The following CFAP221 variants were observed in gnomAD, a reference collection of about 807,000 sequenced individuals.
CFAP221 encodes cilia- and flagella-associated protein 221.
Under a neutral mutation model 113.1 loss-of-function variants are expected in CFAP221, and 97 were observed. The observed-to-expected ratio is 0.86, with a 90% confidence interval of 0.73 to 1.02. CFAP221 has a LOEUF of 1.02. CFAP221 is among the 50% of genes least tolerant of loss of function. The pLI is 0.00. For synonymous variants in CFAP221, 331 were observed against 354.4 expected, an observed-to-expected ratio of 0.93 and a Z score of 0.74; for missense variants, 1,025 against 1,013.4, an observed-to-expected ratio of 1.01 and a Z score of -0.16.
chr2:119,563,017 G>A (rs757585607), intron 6 of CFAP221, among the ~76,000 whole-genome samples: 15 of 152,182 alleles, frequency 9.9e-5, no homozygotes, highest in Non-Finnish European at 1.9e-4. Context: ...AGCCAGGTAT[G>A]GTGATGTGTG....
intron 15 of CFAP221, among the ~76,000 whole-genome samples, chr2:119,627,040 T>C (rs1041661574): frequency 6.6e-6 from 1 of 152,012 alleles, no homozygotes; most frequent in Non-Finnish European, 1.5e-5. Context: ...TATCGCCATC[T>C]TCTCCCAATA....
chr2:119,597,366 C>T (rs1558945979), intron 7 of CFAP221, among the ~76,000 whole-genome samples: 1 of 152,168 alleles, frequency 6.6e-6, no homozygotes, highest in Non-Finnish European at 1.5e-5. Context: ...GGAGTGTTGC[C>T]ACTGTGAGTG....
chr2:119,625,627 T>C lies in CFAP221; in HGVS notation c.1455T>C (p.Arg485=), dbSNP rs758362110. The C allele has an allele frequency of 4.3e-6, 7 of 1,613,820 alleles. No homozygotes were observed. In the East Asian group the frequency reaches 1.6e-4, roughly 36 times the overall value. Residue 485 remains arginine, a synonymous_variant, in exon 15 of 24, where the codon CGT becomes CGC. Transcript: ENST00000413369. The part of the protein sequence containing the change: ...GRLFNMLSAV[R]EMDKESILRK... Reference sequence around the variant, plus strand: ...TATTCAATATGCTGAGTGCTGTTCGTGAAATGGACAAAGAGAGTATACTGA... The same window carrying C: ...TATTCAATATGCTGAGTGCTGTTCGCGAAATGGACAAAGAGAGTATACTGA...
At chr2:119,571,133 C>CTTTTTTT (rs34017847) in intron 6 of CFAP221, among the ~76,000 whole-genome samples, 114 of 93,150 alleles carry the variant, frequency 1.2e-3, no homozygotes, top group Non-Finnish European at 1.5e-3. Context: ...TAACAACCCC[C>CTTTTTTT]TTTTTTTTTT....
At chr2:119,610,030 CT>C (rs1205282563) in intron 12 of CFAP221, among the ~76,000 whole-genome samples, 1 of 152,148 alleles carries the variant, frequency 6.6e-6, no homozygotes, top group Non-Finnish European at 1.5e-5. Flanking sequence ...TCTTTGCATG[CT>C]TTCTTAAAAA....
chr2:119,552,653 A>G (rs1346469703), intron 3 of CFAP221, among the ~76,000 whole-genome samples: 5 of 22,362 alleles, frequency 2.2e-4, no homozygotes, highest in African/African-American at 4.0e-4. Flanking sequence ...AAATAGAAAT[A>G]TTTCTTTCTT....
At position 119,638,302 on chromosome 2, in the gene CFAP221, AT is replaced by A; in HGVS notation, c.2019del (p.Tyr673Ter). On this transcript the variant is annotated frameshift_variant, in exon 20 of 24. Transcript: ENST00000413369. LOFTEE classifies it high-confidence loss of function. Reference protein sequence around the residue: ...GLFAVMHPLTYAETLIDYHLC... With the variant: ...GLFAVMHPLTXAETLIDYHLC... ...TTTGCTGTAATGCATCCTCTGACCT[AT>A]GCAGAAACGTTGATAGATTACCATC... 1 of 1,614,124 alleles carries A rather than the reference AT, an allele frequency of 6.2e-7. No individual in the cohort carries two copies. Among genetic ancestry groups the A allele is most frequent in the Non-Finnish European group, 8.5e-7 (1 of 1,179,962 alleles).
chr2:119,617,125 A>AAT (rs778455650), intron 14 of CFAP221, among the ~76,000 whole-genome samples: 1 of 152,208 alleles, frequency 6.6e-6, no homozygotes, highest in Non-Finnish European at 1.5e-5. Flanking sequence ...CAAATGAATG[A>AAT]ATATATATAA....
Position 119,620,109 on chromosome 2 carries a change from G to A in CFAP221, c.1410+4400G>A, listed in dbSNP as rs901855287. On this transcript the variant is annotated intron_variant, in intron 14 of 23. Transcript: ENST00000413369. Reference sequence around the variant, plus strand: ...GACTATATGAAAAGACCAAACCTACGTTTGACTGGTGTACCTAAAAGTGAT... The same window carrying A: ...GACTATATGAAAAGACCAAACCTACATTTGACTGGTGTACCTAAAAGTGAT... Among the ~76,000 whole-genome samples, 3 of 152,224 alleles carry A rather than the reference G, an allele frequency of 2.0e-5. No homozygotes were observed. The East Asian group carries it at 5.8e-4, about 29-fold the overall frequency.
At chr2:119,638,700 T>C (rs1245437883) in intron 20 of CFAP221, among the ~76,000 whole-genome samples, 1 of 152,170 alleles carries the variant, frequency 6.6e-6, no homozygotes, top group Non-Finnish European at 1.5e-5. Flanking sequence ...ATTTCAATCA[T>C]GTAAAAACAG....
chr2:119,629,834 C>A, intron 16 of CFAP221, 41 bp from the exon 17 acceptor site: 1 of 1,456,664 alleles, frequency 6.9e-7, no homozygotes, highest in South Asian at 1.2e-5. Context: ...CACTCTTGCT[C>A]AGTGGTGATT....
intron 13 of CFAP221, among the ~76,000 whole-genome samples, chr2:119,613,472 CAG>C (rs1685316759): frequency 6.6e-6 from 1 of 152,246 alleles, no homozygotes; most frequent in Non-Finnish European, 1.5e-5. Flanking sequence ...GAAATCCAGA[CAG>C]AGTTTCCCAA....
At chr2:119,615,363 A>G (rs1266107093) in intron 13 of CFAP221, among the ~76,000 whole-genome samples, 1 of 152,158 alleles carries the variant, frequency 6.6e-6, no homozygotes, top group Non-Finnish European at 1.5e-5. Context: ...TGTTTGCTTG[A>G]GCTTTCCTAA....
chr2:119,652,857 A>G (rs942617430), intron 23 of CFAP221, among the ~76,000 whole-genome samples: 44 of 150,722 alleles, frequency 2.9e-4, no homozygotes, highest in African/African-American at 9.7e-4. Flanking sequence ...ATTAGAAAAT[A>G]TAAAAAATTT....
rs1239356051 is a variant in CFAP221, at chr2:119,630,808, C to T, written c.1881C>T (p.Ser627=). The change falls in exon 19 of 24, where the codon TCC becomes TCT. Residue 627 remains serine (S), a synonymous_variant. Transcript: ENST00000413369. ...TCACAGCCCTTCCGAAACAGGACTC[C>T]ACAACTCAGCTCTCTGGCAAAACAT... ...TTITALPKQD[S]TTQLSGKTSV... The T allele has an allele frequency of 6.2e-7, 1 of 1,613,722 alleles. No individual in the cohort carries two copies. Among genetic ancestry groups the T allele is most frequent in the Non-Finnish European group, 8.5e-7 (1 of 1,179,642 alleles).
chr2:119,583,491 A>T (rs1240871948), intron 6 of CFAP221, among the ~76,000 whole-genome samples: 1 of 151,454 alleles, frequency 6.6e-6, no homozygotes, highest in African/African-American at 2.4e-5. Context: ...TTTTACATAG[A>T]AAATCTAAGG....
At chr2:119,637,006 G>A (rs946882845) in intron 19 of CFAP221, among the ~76,000 whole-genome samples, 13 of 152,208 alleles carry the variant, frequency 8.5e-5, no homozygotes, top group Admixed American at 5.9e-4. Context: ...GCCCACACAG[G>A]TCATTTCCCC....
intron 7 of CFAP221, among the ~76,000 whole-genome samples, chr2:119,588,420 T>A (rs1683365768): frequency 6.6e-6 from 1 of 152,224 alleles, no homozygotes; most frequent in Admixed American, 6.5e-5. Context: ...AAAAGCTCAA[T>A]AGCTTATGGC....
intron 2 of CFAP221, among the ~76,000 whole-genome samples, chr2:119,548,045 T>A (rs1258012718): frequency 6.6e-6 from 1 of 152,068 alleles, no homozygotes; most frequent in Non-Finnish European, 1.5e-5. Context: ...CTCACTGCAG[T>A]CTCAATCTTC....
Sources: gnomAD v4.1 joint callset for allele counts (sites outside exome capture counted in the v4.1 genomes callset) on GRCh38, gnomAD v4.1.1 for gene constraint, MANE v1.5 for transcripts, NCBI Gene and HGNC (gene_info 2026-07-23, HGNC 2026-07-21) for gene names.